Variants in RUNX1 observed in about 807,000 individuals in gnomAD.
RUNX1 encodes the protein RUNX family transcription factor 1, also known as runt-related transcription factor 1.
Under a neutral mutation model 42.8 loss-of-function variants are expected in RUNX1, and 19 were observed. The observed-to-expected ratio is 0.44, with a 90% CI of 0.31 to 0.65. RUNX1 has a LOEUF of 0.65. Among genes scored for constraint, RUNX1 ranks in the 30% least tolerant of loss-of-function variants. RUNX1 has a pLI of 0.07. For synonymous variants in RUNX1, 271 were observed against 289.4 expected (o/e 0.94, Z 0.64); for missense variants, 528 against 672.0 (o/e 0.79, Z 2.37).
chr21:34,923,611 A>AGGCCAACCTGAACTTGT (rs1483457442), intron 2 of RUNX1, among the ~76,000 whole-genome samples: 1 of 152,216 alleles, frequency 6.6e-6, no homozygotes. Flanking sequence ...AGGTGCACAA[A>AGGCCAACCTGAACTTGT]GGCCAACCTG....
At chr21:34,892,739 T>A (rs1382508351) in intron 3 of RUNX1, among the ~76,000 whole-genome samples, 186 bp downstream of exon 3, 1 of 152,196 alleles carries the variant, frequency 6.6e-6, no homozygotes, top group Admixed American at 6.5e-5. Flanking sequence ...TTGAAATATT[T>A]TATATGGTAT....
Position 34,789,043 on chromosome 21 carries a change from T to A in RUNX1, c.*3092A>T, listed in dbSNP as rs535374569. 1 of 233,318 alleles carries A rather than the reference T, an allele frequency of 4.3e-6. No individual in the cohort carries two copies. Among genetic ancestry groups the A allele is most frequent in the South Asian group, 1.8e-4 (1 of 5,530 alleles). 14.5% of individuals were successfully genotyped at this position (233,318 alleles called of 1,614,324 possible). A position where few individuals can be genotyped will look rare whatever the true frequency, so the allele number is the denominator to read the frequency against. On this transcript the variant is annotated 3_prime_UTR_variant, in exon 9 of 9. Coordinates refer to ENST00000675419, the MANE Select transcript of RUNX1 (RefSeq NM_001754.5). Reference sequence around the variant, plus strand: ...GAAACCCAAGGCAGCAGAAAGGCTGTCTATTTACTCACTGATTGTGATTTG... The same window carrying A: ...GAAACCCAAGGCAGCAGAAAGGCTGACTATTTACTCACTGATTGTGATTTG...
intron 7 of RUNX1, among the ~76,000 whole-genome samples, chr21:34,825,983 G>A (rs2056981197): frequency 6.6e-6 from 1 of 152,192 alleles, no homozygotes; most frequent in African/African-American, 2.4e-5. Flanking sequence ...GAGAATGTAT[G>A]GTCTTGCCAA....
At chr21:34,811,404 C>T (rs2056756692) in intron 7 of RUNX1, among the ~76,000 whole-genome samples, 1 of 152,222 alleles carries the variant, frequency 6.6e-6, no homozygotes, top group African/African-American at 2.4e-5. Context: ...TCCTTTCCCA[C>T]ACATCAGGCC....
At chr21:34,912,474 A>T (rs1281208426) in intron 2 of RUNX1, among the ~76,000 whole-genome samples, 1 of 152,070 alleles carries the variant, frequency 6.6e-6, no homozygotes, top group Non-Finnish European at 1.5e-5. Flanking sequence ...CAGTAGGTCG[A>T]GGAGGCCTCT....
intron 8 of RUNX1, among the ~76,000 whole-genome samples, chr21:34,795,492 T>A (rs189001829): frequency 7.3e-4 from 111 of 152,294 alleles, no homozygotes; most frequent in Admixed American, 2.9e-3. Context: ...TTAAAGTTTA[T>A]AGAAACAGCC....
chr21:35,023,780 T>G (rs1368032466), intron 2 of RUNX1, among the ~76,000 whole-genome samples: 1 of 151,980 alleles, frequency 6.6e-6, no homozygotes, highest in East Asian at 1.9e-4. Context: ...GGCTCACAAG[T>G]GGGTACACAA....
intron 5 of RUNX1, among the ~76,000 whole-genome samples, chr21:34,865,405 G>C (rs1395085967): frequency 1.3e-5 from 2 of 151,952 alleles, no homozygotes; most frequent in African/African-American, 4.8e-5. Context: ...CCGCCAGCTG[G>C]CGACCTTTGT....
At chr21:34,866,337 CAA>C (rs2057661317) in intron 5 of RUNX1, among the ~76,000 whole-genome samples, 1 of 152,150 alleles carries the variant, frequency 6.6e-6, no homozygotes, top group Admixed American at 6.5e-5. Context: ...TTTTAAAAAC[CAA>C]GAGAGTCAGT....
intron 6 of RUNX1, among the ~76,000 whole-genome samples, chr21:34,844,431 C>CT (rs1471793386): frequency 6.6e-6 from 1 of 152,162 alleles, no homozygotes; most frequent in African/African-American, 2.4e-5. Context: ...CACTGGCCTC[C>CT]TAACCTCCCT....
intron 7 of RUNX1, among the ~76,000 whole-genome samples, chr21:34,801,782 C>CA (rs1233897011): frequency 6.6e-6 from 1 of 152,004 alleles, no homozygotes; most frequent in Non-Finnish European, 1.5e-5. Flanking sequence ...AAAACAAAAA[C>CA]AAAAAAGGCC....
intron 7 of RUNX1, among the ~76,000 whole-genome samples, chr21:34,830,686 C>T (rs1427613885): frequency 1.3e-5 from 2 of 152,178 alleles, no homozygotes; most frequent in African/African-American, 2.4e-5. Flanking sequence ...CTTTGAGATA[C>T]TGGGCAATTT....
intron 2 of RUNX1, among the ~76,000 whole-genome samples, chr21:34,922,561 C>A (rs532295881): frequency 6.6e-6 from 1 of 152,260 alleles, no homozygotes; most frequent in South Asian, 2.1e-4. Flanking sequence ...GGTGAAGAGT[C>A]TTCCAGAAAG....
rs375931019 is a variant in RUNX1 at position 34,844,116 on chromosome 21, C to T, written c.614-9515G>A. On this transcript the variant is annotated intron_variant, in intron 6 of 8. Transcript: ENST00000675419. ...AGTTACAGCGTAACTGAAAAGTAAC[C>T]AGAGAGTGGTAACCACCAGTGACAT... is the stretch of plus-strand genomic sequence containing the variant. Among the ~76,000 whole-genome samples, 13 of 152,300 alleles carry T rather than the reference C, an allele frequency of 8.5e-5. No individual in the cohort carries two copies. In the East Asian group the frequency reaches 1.7e-3, roughly 20 times the overall value.
intron 2 of RUNX1, among the ~76,000 whole-genome samples, chr21:34,911,256 G>C (rs1243055654): frequency 2.0e-5 from 3 of 152,148 alleles, no homozygotes; most frequent in African/African-American, 7.2e-5. Flanking sequence ...CTGAATAAAG[G>C]TTGATGAAAA....
At chr21:34,982,047 C>T (rs1468384081) in intron 2 of RUNX1, among the ~76,000 whole-genome samples, 1 of 152,228 alleles carries the variant, frequency 6.6e-6, no homozygotes, top group African/African-American at 2.4e-5. Flanking sequence ...TTCGTTAGTA[C>T]ATGCCAATGC....
chr21:34,884,089 G>C (rs981881911), intron 4 of RUNX1, among the ~76,000 whole-genome samples: 2 of 152,106 alleles, frequency 1.3e-5, no homozygotes, highest in African/African-American at 4.8e-5. Context: ...TACATCCTAA[G>C]TCATCAAAAC....
intron 2 of RUNX1, among the ~76,000 whole-genome samples, chr21:35,021,493 C>G (rs974128815): frequency 1.1e-4 from 17 of 152,204 alleles, no homozygotes; most frequent in African/African-American, 3.4e-4. Flanking sequence ...GAGCACTATG[C>G]GTGTGCACAT....
chr21:34,995,917 C>T (rs138955828), intron 2 of RUNX1, among the ~76,000 whole-genome samples: 6 of 151,968 alleles, frequency 3.9e-5, no homozygotes, highest in Admixed American at 2.6e-4. Flanking sequence ...TGTATATGTA[C>T]GTGTTTCTTT....
Sources: allele counts gnomAD v4.1 joint callset (sites outside exome capture counted in the v4.1 genomes callset), GRCh38; gene constraint gnomAD v4.1.1; transcripts MANE v1.5; gene names NCBI Gene and HGNC (gene_info 2026-07-23, HGNC 2026-07-21).